Variants in CADM2 observed in about 807,000 individuals in gnomAD.
CADM2 encodes immunoglobulin superfamily member 4D.
Under a neutral mutation model 49.8 loss-of-function variants are expected in CADM2, and 12 were observed. The observed-to-expected ratio is 0.24, with a 90% confidence interval of 0.15 to 0.39. The LOEUF is 0.39. Ranked by LOEUF, CADM2 falls within the 10% of genes least tolerant of loss-of-function variation. CADM2 has a pLI of 1.00. For synonymous variants in CADM2, 214 were observed against 175.4 expected, an observed-to-expected ratio of 1.22 and a Z score of -1.74; for missense variants, 378 against 492.3, an observed-to-expected ratio of 0.77 and a Z score of 2.20.
At chr3:85,116,920 G>A (rs985755339) in intron 1 of CADM2, among the ~76,000 whole-genome samples, 1 of 152,084 alleles carries the variant, frequency 6.6e-6, no homozygotes, top group Admixed American at 6.6e-5. Context: ...TTTAGGACAC[G>A]GGCGGTGACT....
intron 1 of CADM2, among the ~76,000 whole-genome samples, chr3:85,160,230 G>C (rs1156613695): frequency 6.6e-6 from 1 of 151,956 alleles, no homozygotes; most frequent in Non-Finnish European, 1.5e-5. Flanking sequence ...TACATCAACC[G>C]TTACTAAAAA....
intron 1 of CADM2, among the ~76,000 whole-genome samples, chr3:85,352,802 T>A (rs887964031): frequency 1.3e-5 from 2 of 152,146 alleles, no homozygotes; most frequent in Non-Finnish European, 2.9e-5. Context: ...TTCAAATGAT[T>A]TTTTAGTCTT....
chr3:85,177,186 C>T lies in CADM2; in HGVS notation c.61+217518C>T, dbSNP rs114522271. On this transcript the variant is annotated intron_variant, in intron 1 of 9. Transcript: ENST00000383699. ...ATCATTTTACTTTTTGCAATCATTCCCTTATGCAAATCCATCTTCTCTAAA... is the reference window on the plus strand; with the variant it reads ...ATCATTTTACTTTTTGCAATCATTCTCTTATGCAAATCCATCTTCTCTAAA... 6.9e-3 allele frequency among the ~76,000 whole-genome samples: 1,043 copies of T among 152,134 alleles called. 14 individuals are homozygous for T. Among genetic ancestry groups the T allele is most frequent in the African/African-American group, 0.024 (979 of 41,516 alleles).
At chr3:85,329,495 A>G (rs1312714286) in intron 1 of CADM2, among the ~76,000 whole-genome samples, 2 of 151,942 alleles carry the variant, frequency 1.3e-5, no homozygotes, top group African/African-American at 4.8e-5. Flanking sequence ...GCTTGAACCC[A>G]GGGGGCGGAG....
intron 1 of CADM2, among the ~76,000 whole-genome samples, chr3:85,657,727 C>G (rs1469308585): frequency 9.7e-6 from 1 of 103,370 alleles, no homozygotes; most frequent in Non-Finnish European, 2.0e-5. Flanking sequence ...TATATATATA[C>G]AGATATATAT....
At chr3:85,575,135 C>T (rs568745429) in intron 1 of CADM2, among the ~76,000 whole-genome samples, 2 of 152,148 alleles carry the variant, frequency 1.3e-5, no homozygotes, top group Admixed American at 1.3e-4. Context: ...GAATTAGCTA[C>T]CATATCAATG....
chr3:85,798,228 C>T (rs998732789), intron 2 of CADM2, among the ~76,000 whole-genome samples: 2 of 152,082 alleles, frequency 1.3e-5, no homozygotes, highest in Non-Finnish European at 2.9e-5. Context: ...TGCCTATTCA[C>T]TCTGATGATA....
intron 1 of CADM2, among the ~76,000 whole-genome samples, chr3:85,569,300 G>A: frequency 6.6e-6 from 1 of 151,922 alleles, no homozygotes; most frequent in Admixed American, 6.5e-5. Flanking sequence ...TTTTCTTGCT[G>A]ACTGCTATTC....
chr3:85,404,744 G>A (rs73845488), intron 1 of CADM2, among the ~76,000 whole-genome samples: 1,761 of 151,918 alleles, frequency 0.012, 37 homozygotes, highest in African/African-American at 0.04. Context: ...ATTATCCTGA[G>A]GTTTTACTAA....
intron 1 of CADM2, among the ~76,000 whole-genome samples, chr3:85,701,382 G>A (rs1310332927): frequency 6.6e-6 from 1 of 152,168 alleles, no homozygotes; most frequent in South Asian, 2.1e-4. Flanking sequence ...AAGTAATGTG[G>A]CATCTTCTTT....
intron 8 of CADM2, among the ~76,000 whole-genome samples, chr3:86,003,137 A>T (rs1432844197): frequency 1.3e-5 from 2 of 152,124 alleles, no homozygotes; most frequent in African/African-American, 2.4e-5. Context: ...AATAAAGATG[A>T]TGCTTTACTC....
chr3:85,961,637 C>A lies in CADM2; in HGVS notation c.960C>A (p.Leu320=). ...GCCAAAGCAGTGCGGAATATGTTCT[C>A]ATTGTGCATGGTGAGTAAATTTTGG... is the stretch of plus-strand genomic sequence containing the variant. ...TIGQSSAEYV[L]IVHDPNALAG... is the part of the protein sequence containing the mutation. The change falls in exon 8 of 10, where the codon CTC becomes CTA. Residue 320 remains leucine, a synonymous_variant. Transcript: ENST00000383699. 1 of 1,560,246 alleles carries A rather than the reference C, an allele frequency of 6.4e-7. No homozygotes were observed.
chr3:85,859,812 A>C (rs2075455458), intron 3 of CADM2, among the ~76,000 whole-genome samples: 1 of 152,174 alleles, frequency 6.6e-6, no homozygotes, highest in Non-Finnish European at 1.5e-5. Flanking sequence ...CTCATTCGCA[A>C]AAATTTTTGA....
chr3:85,463,936 G>A (rs984065357), intron 1 of CADM2, among the ~76,000 whole-genome samples: 1 of 152,028 alleles, frequency 6.6e-6, no homozygotes, highest in Non-Finnish European at 1.5e-5. Flanking sequence ...CAAGGTTATT[G>A]GGGTATGATA....
intron 3 of CADM2, among the ~76,000 whole-genome samples, chr3:85,827,844 A>G (rs1359942425): frequency 3.3e-5 from 5 of 152,028 alleles, no homozygotes; most frequent in Non-Finnish European, 7.4e-5. Flanking sequence ...TTTCTGTTCC[A>G]CGATGTCATT....
chr3:85,420,501 G>A (rs1292891511), intron 1 of CADM2, among the ~76,000 whole-genome samples: 1 of 152,052 alleles, frequency 6.6e-6, no homozygotes, highest in Non-Finnish European at 1.5e-5. Context: ...GTCCCATGGG[G>A]GAAAAAAATT....
chr3:85,743,692 GATACAGGAATTC>G (rs1257371838), intron 2 of CADM2, among the ~76,000 whole-genome samples: 1 of 152,068 alleles, frequency 6.6e-6, no homozygotes, highest in Non-Finnish European at 1.5e-5. Flanking sequence ...CACAAATCCA[GATACAGGAATTC>G]ATACACTGAA....
At position 85,334,630 on chromosome 3, in the gene CADM2, G is replaced by A. The variant is rs78926044; in HGVS notation, c.61+374962G>A. On this transcript the variant is annotated intron_variant, in intron 1 of 9. Coordinates refer to ENST00000383699, the MANE Select transcript of CADM2 (RefSeq NM_001167675.2). Reference sequence around the variant, plus strand: ...CTCAGCAAAATTTGCCTAAAACTTAGCTAAATTTTGTGATCTGTTAAAGAA... The same window carrying A: ...CTCAGCAAAATTTGCCTAAAACTTAACTAAATTTTGTGATCTGTTAAAGAA... 3.0e-4 allele frequency among the ~76,000 whole-genome samples: 45 copies of A among 151,492 alleles called. No individual in the cohort carries two copies. The East Asian group carries it at 8.7e-3, about 29-fold the overall frequency.
At chr3:85,469,404 A>G (rs2038666397) in intron 1 of CADM2, among the ~76,000 whole-genome samples, 1 of 152,156 alleles carries the variant, frequency 6.6e-6, no homozygotes, top group Admixed American at 6.5e-5. Context: ...GGAACATAAC[A>G]GAAAAGACGG....
Sources: allele counts gnomAD v4.1 joint callset (sites outside exome capture counted in the v4.1 genomes callset), GRCh38; gene constraint gnomAD v4.1.1; transcripts MANE v1.5; gene names NCBI Gene and HGNC (gene_info 2026-07-23, HGNC 2026-07-21).